The following C10orf90 variants were observed in gnomAD, a reference collection of about 807,000 sequenced individuals.
C10orf90 encodes (E2-independent) E3 ubiquitin-conjugating enzyme FATS.
In C10orf90, 56 loss-of-function variants were observed where a neutral mutation model predicts 62.5. The observed-to-expected ratio is 0.90, with a 90% CI of 0.72 to 1.12. The LOEUF (loss-of-function observed/expected upper bound fraction) is 1.12, where lower values mean the gene tolerates loss of function less well. C10orf90 is among the 50% of genes most tolerant of loss of function. C10orf90 has a pLI of 0.00. For missense variants in C10orf90, 970 were observed against 880.4 expected (o/e 1.10, Z -1.29); for synonymous variants, 386 against 340.4 (o/e 1.13, Z -1.47).
intron 2 of C10orf90, among the ~76,000 whole-genome samples, chr10:126,617,508 C>T (rs1845565506): frequency 3.3e-5 from 5 of 152,236 alleles, no homozygotes; most frequent in Non-Finnish European, 1.5e-5. Context: ...CTCAGCTTCT[C>T]TCACACAGAT....
At chr10:126,467,655 C>T (rs58279002) in intron 4 of C10orf90, among the ~76,000 whole-genome samples, 48,806 of 151,996 alleles carry the variant, frequency 0.32, 8,032 homozygotes, top group African/African-American at 0.39. Context: ...GTCCTTTAAA[C>T]AGAAACATTC....
At chr10:126,429,187 C>T (rs976634841) in intron 8 of C10orf90, among the ~76,000 whole-genome samples, 1 of 152,076 alleles carries the variant, frequency 6.6e-6, no homozygotes, top group Non-Finnish European at 1.5e-5. Context: ...AGAATGGCAG[C>T]CTTTGTGTGC....
At chr10:126,617,394 A>C (rs964698904) in intron 2 of C10orf90, among the ~76,000 whole-genome samples, 3 of 152,220 alleles carry the variant, frequency 2.0e-5, no homozygotes, top group Admixed American at 1.3e-4. Context: ...GCAAGATGAC[A>C]CCACTGACCT....
rs550375235 is a variant in C10orf90 at position 126,434,505 on chromosome 10, T to C, written c.2189-4655A>G. On this transcript the variant is annotated intron_variant, in intron 7 of 9. Coordinates refer to ENST00000488181, the MANE Select transcript of C10orf90 (RefSeq NM_001350921.2). ...CTTTCCAGAAGCCTATTTTCTGAAG[T>C]CACCCCGAGCACTTTGAAGGATGTT... is the stretch of plus-strand genomic sequence containing the variant. Among the ~76,000 whole-genome samples, 19 of 152,332 alleles carry C rather than the reference T, an allele frequency of 1.2e-4. 1 individual carries two copies. The South Asian group carries it at 3.5e-3, about 28-fold the overall frequency.
chr10:126,587,976 T>C (rs1205636068), intron 2 of C10orf90, among the ~76,000 whole-genome samples: 1 of 152,180 alleles, frequency 6.6e-6, no homozygotes, highest in African/African-American at 2.4e-5. Flanking sequence ...GGGAGGCAAG[T>C]GGCCCTGTTC....
At chr10:126,533,006 C>T (rs1864145234) in intron 2 of C10orf90, among the ~76,000 whole-genome samples, 1 of 150,928 alleles carries the variant, frequency 6.6e-6, no homozygotes, top group African/African-American at 2.4e-5. Context: ...TATCTCGGCT[C>T]ACTGCAAGCT....
chr10:126,454,188 G>A (rs1027075169), intron 7 of C10orf90, among the ~76,000 whole-genome samples: 6 of 151,916 alleles, frequency 3.9e-5, no homozygotes, highest in African/African-American at 1.2e-4. Context: ...GCCTGCAGTG[G>A]CTCTGCCCCC....
intron 2 of C10orf90, among the ~76,000 whole-genome samples, chr10:126,586,148 T>C (rs773199932): frequency 2.6e-5 from 4 of 152,256 alleles, no homozygotes; most frequent in Admixed American, 1.3e-4. Context: ...ATAGCCAGCC[T>C]TAATTATTCA....
At chr10:126,458,804 G>GTAAA in intron 7 of C10orf90, among the ~76,000 whole-genome samples, 1 of 152,312 alleles carries the variant, frequency 6.6e-6, no homozygotes, top group South Asian at 2.1e-4. Context: ...AGCTGTAATG[G>GTAAA]TAAATTGGTG....
In C10orf90 at chr10:126,646,655, A is replaced by G. The variant is rs1303431639; in HGVS notation, c.241-18T>C. 1 of 430,268 alleles carries G rather than the reference A, an allele frequency of 2.3e-6. No individual in the cohort carries two copies. The highest frequency in any genetic ancestry group is 4.6e-6 in the Non-Finnish European group (1 of 218,660). 26.7% of individuals were successfully genotyped at this position (430,268 alleles called of 1,614,324 possible). On this transcript the variant is annotated intron_variant, in intron 1 of 9. Transcript: ENST00000488181. ...CTGTGGATCTAGAAAACAAACAGAA[A>G]TATTTCCCAATTTCATATTTTGATT...
chr10:126,470,842 G>A (rs1353229213), intron 4 of C10orf90, among the ~76,000 whole-genome samples: 1 of 151,374 alleles, frequency 6.6e-6, no homozygotes, highest in Non-Finnish European at 1.5e-5. Context: ...CCTATTAGAT[G>A]GACAAGACTG....
intron 2 of C10orf90, among the ~76,000 whole-genome samples, chr10:126,633,182 A>G (rs1845883656): frequency 6.6e-6 from 1 of 152,158 alleles, no homozygotes; most frequent in African/African-American, 2.4e-5. Flanking sequence ...TTCTGCAGGC[A>G]TTTTCCATCC....
At chr10:126,452,625 G>A (rs538135163) in intron 7 of C10orf90, among the ~76,000 whole-genome samples, 2 of 152,212 alleles carry the variant, frequency 1.3e-5, no homozygotes, top group East Asian at 3.9e-4. Context: ...TATTTTAATT[G>A]GAAGTACAAT....
intron 2 of C10orf90, among the ~76,000 whole-genome samples, chr10:126,519,745 G>A (rs1289055707): frequency 6.6e-6 from 1 of 152,170 alleles, no homozygotes; most frequent in African/African-American, 2.4e-5. Context: ...AAGTCTTCCT[G>A]TCTTCAACTT....
intron 2 of C10orf90, among the ~76,000 whole-genome samples, chr10:126,577,123 T>C (rs565892661): frequency 6.6e-6 from 1 of 152,054 alleles, no homozygotes; most frequent in South Asian, 2.1e-4. Context: ...TGTTATATCA[T>C]TTTAAATAGC....
At chr10:126,522,066 C>T (rs1391908559) in intron 2 of C10orf90, among the ~76,000 whole-genome samples, 1 of 152,006 alleles carries the variant, frequency 6.6e-6, no homozygotes, top group Admixed American at 6.6e-5. Flanking sequence ...GTCAGAAGTT[C>T]GAGACCAGCC....
chr10:126,644,521 C>T (rs145616648), intron 2 of C10orf90, among the ~76,000 whole-genome samples: 19 of 152,304 alleles, frequency 1.2e-4, no homozygotes, highest in African/African-American at 4.6e-4. Context: ...AGTGTTATTC[C>T]ATAATCAGCA....
intron 1 of C10orf90, among the ~76,000 whole-genome samples, chr10:126,648,396 G>A (rs951271490): frequency 1.3e-5 from 2 of 152,226 alleles, no homozygotes; most frequent in Non-Finnish European, 2.9e-5. Flanking sequence ...CCAGAATTGT[G>A]AGGAGTAAGT....
Position 126,459,097 on chromosome 10 carries a change from T to C in C10orf90, c.2131A>G (p.Ser711Gly). Residue 711 changes from serine (S) to glycine (G), a missense_variant, in exon 7 of 10, where the codon AGC becomes GGC. Transcript: ENST00000488181. ...TTGCTGGTGCGGATGGGAAGGAGGC[T>C]CTGCTTCTGCCTCAGGTCCTCCTTC... Reference protein sequence around the residue: ...QRKEDLRQKQSLLPIRTSKKQ... With the variant: ...QRKEDLRQKQGLLPIRTSKKQ... The C allele has an allele frequency of 1.2e-6, 2 of 1,614,080 alleles. No individual in the cohort carries two copies. Among genetic ancestry groups the C allele is most frequent in the Non-Finnish European group, 1.7e-6 (2 of 1,180,030 alleles).
Sources: allele counts gnomAD v4.1 joint callset (sites outside exome capture counted in the v4.1 genomes callset), GRCh38; gene constraint gnomAD v4.1.1; transcripts MANE v1.5; gene names NCBI Gene and HGNC (gene_info 2026-07-23, HGNC 2026-07-21).